The following PBRM1 variants were observed in gnomAD, a reference collection of about 807,000 sequenced individuals.
PBRM1 encodes the protein protein polybromo-1.
PBRM1 carries 27 observed loss-of-function variants against 194.5 expected under a neutral mutation model. The ratio of observed to expected loss-of-function variants is 0.14; its 90% CI spans 0.10 to 0.19. The LOEUF (loss-of-function observed/expected upper bound fraction) is 0.19. PBRM1 is among the 10% of genes least tolerant of loss of function. PBRM1 has a pLI of 1.00. For missense variants in PBRM1, 1,466 were observed against 2,077.2 expected, an observed-to-expected ratio of 0.71 and a Z score of 5.72; for synonymous variants, 655 against 693.2, an observed-to-expected ratio of 0.94 and a Z score of 0.87.
downstream of PBRM1, chr3:52,547,285 T>C: frequency 4.3e-6 from 1 of 233,098 alleles, no homozygotes; most frequent in East Asian, 6.1e-5. Context: ...GCACGTGTTC[T>C]GCAAAAATCA....
chr3:52,658,422 T>C (rs2096651450), intron 4 of PBRM1, 107 bp from the exon 6 acceptor site: 1 of 580,512 alleles, frequency 1.7e-6, no homozygotes, highest in East Asian at 3.0e-5. Context: ...CTTTTTTTTT[T>C]TTTTTTGAGA....
At chr3:52,667,746 CAAAAAA>C (rs34993730) in intron 3 of PBRM1, among the ~76,000 whole-genome samples, 9 of 85,538 alleles carry the variant, frequency 1.1e-4, no homozygotes, top group African/African-American at 3.4e-4. Context: ...GACTTTGCCT[CAAAAAA>C]AAAAAAAAAA....
exon 27 of PBRM1, chr3:52,554,846 G>C: frequency 6.2e-7 from 1 of 1,607,292 alleles, no homozygotes; most frequent in Non-Finnish European, 8.5e-7. Flanking sequence ...GCCCTGCAAA[G>C]GTGGAAGGCC....
intron 2 of PBRM1, among the ~76,000 whole-genome samples, chr3:52,670,697 C>T (rs979868963): frequency 6.6e-6 from 1 of 152,190 alleles, no homozygotes; most frequent in Non-Finnish European, 1.5e-5. Context: ...TGCATGGCTA[C>T]TAAAGACTAT....
At chr3:52,670,394 C>A (rs1053090228) in intron 2 of PBRM1, among the ~76,000 whole-genome samples, 10 of 152,270 alleles carry the variant, frequency 6.6e-5, no homozygotes, top group African/African-American at 2.4e-4. Flanking sequence ...TCCTTATAAT[C>A]CAGAATAAAT....
chr3:52,666,508 C>T (rs1331882522), intron 3 of PBRM1, among the ~76,000 whole-genome samples: 1 of 151,862 alleles, frequency 6.6e-6, no homozygotes, highest in Non-Finnish European at 1.5e-5. Context: ...TGCACTCCAG[C>T]CTGGGCAACA....
intron 25 of PBRM1, 22 bp downstream of exon 27, chr3:52,561,745 G>A: frequency 6.2e-7 from 1 of 1,605,798 alleles, no homozygotes; most frequent in South Asian, 1.1e-5. Context: ...TCGAAAGACA[G>A]TTGTGCCTAG....
At chr3:52,548,058 T>C in exon 30 of PBRM1, 1 of 1,608,164 alleles carries the variant, frequency 6.2e-7, no homozygotes. Flanking sequence ...AACGTAATGA[T>C]GTGATTAAAC....
chr3:52,651,615 A>T, intron 6 of PBRM1, 127 bp downstream of exon 7: 1 of 454,728 alleles, frequency 2.2e-6, no homozygotes. Flanking sequence ...ATTTTAATTT[A>T]TTTACATGAT....
intron 15 of PBRM1, among the ~76,000 whole-genome samples, chr3:52,612,757 T>G (rs1228252789): frequency 6.6e-6 from 1 of 151,896 alleles, no homozygotes; most frequent in Admixed American, 6.6e-5. Flanking sequence ...TACAAAAAAA[T>G]TAGCTAGGCA....
At chr3:52,626,164 G>T (rs1487952782) in intron 13 of PBRM1, among the ~76,000 whole-genome samples, 1 of 152,134 alleles carries the variant, frequency 6.6e-6, no homozygotes, top group East Asian at 1.9e-4. Context: ...TCTTGTTCTT[G>T]ATTTGATGTC....
chr3:52,654,862 A>G (rs1025597073), intron 5 of PBRM1, among the ~76,000 whole-genome samples: 1 of 152,094 alleles, frequency 6.6e-6, no homozygotes, highest in Non-Finnish European at 1.5e-5. Flanking sequence ...ATCACAGCTC[A>G]CTGCGGCCTT....
intron 20 of PBRM1, among the ~76,000 whole-genome samples, chr3:52,580,434 C>T (rs2090840773): frequency 6.6e-6 from 1 of 152,118 alleles, no homozygotes; most frequent in East Asian, 1.9e-4. Context: ...TATTGGCTCA[C>T]TGCAAGCTCC....
intron 5 of PBRM1, among the ~76,000 whole-genome samples, chr3:52,656,828 C>G (rs1039604043): frequency 1.3e-5 from 2 of 152,154 alleles, no homozygotes; most frequent in African/African-American, 4.8e-5. Flanking sequence ...ACTTGGGAGG[C>G]TGAGGTGGGA....
At chr3:52,563,516 C>T (rs2153517595) in intron 23 of PBRM1, 23 bp from the exon 26 acceptor site, 2 of 1,511,654 alleles carry the variant, frequency 1.3e-6, no homozygotes, top group Admixed American at 1.7e-5. Flanking sequence ...ACATAAAAAA[C>T]CTAAAATCAC....
At chr3:52,571,354 G>A (rs187617207) in intron 22 of PBRM1, among the ~76,000 whole-genome samples, 1,618 of 149,660 alleles carry the variant, frequency 0.011, 13 homozygotes, top group Non-Finnish European at 0.016. Context: ...TTGGCCAGGC[G>A]TGGTGGCTCA....
At chr3:52,678,305 T>G (rs547985077) in intron 2 of PBRM1, among the ~76,000 whole-genome samples, 195 bp downstream of exon 3, 129 of 152,200 alleles carry the variant, frequency 8.5e-4, no homozygotes, top group Non-Finnish European at 1.2e-3. Flanking sequence ...TGCATGTTAC[T>G]GTGCCTGGCT....
At chr3:52,574,288 A>G (rs2088589669) in intron 22 of PBRM1, among the ~76,000 whole-genome samples, 1 of 152,222 alleles carries the variant, frequency 6.6e-6, no homozygotes, top group African/African-American at 2.4e-5. Flanking sequence ...CATTTACATG[A>G]GCCCTTTTTA....
exon 2 of PBRM1, chr3:52,678,581 T>G (rs2097152344): frequency 6.2e-7 from 1 of 1,603,908 alleles, no homozygotes; most frequent in Non-Finnish European, 8.5e-7. Flanking sequence ...ATTATAGAGT[T>G]CATGGCACAC....
Sources: gnomAD v4.1 joint callset for allele counts (sites outside exome capture counted in the v4.1 genomes callset) on GRCh38, gnomAD v4.1.1 for gene constraint, MANE v1.5 for transcripts, NCBI Gene and HGNC (gene_info 2026-07-23, HGNC 2026-07-21) for gene names.